Variants in CD300LG observed in about 807,000 individuals in gnomAD.
The protein encoded by CD300LG is CMRF35-like molecule 9.
CD300LG carries 29 observed loss-of-function variants against 31.5 expected under a neutral mutation model. That is an observed-to-expected ratio of 0.92 (90% CI 0.68 to 1.25). CD300LG has a LOEUF of 1.25. Among genes scored for constraint, CD300LG ranks in the 50% most tolerant of loss-of-function variants. The pLI is 0.00. For synonymous variants in CD300LG, 175 were observed against 177.2 expected (o/e 0.99, Z 0.10); for missense variants, 396 against 417.6 (o/e 0.95, Z 0.45).
chr17:43,851,601 T>C (rs1427947102), intron 2 of CD300LG, among the ~76,000 whole-genome samples: 2 of 149,962 alleles, frequency 1.3e-5, no homozygotes, highest in African/African-American at 4.9e-5. Context: ...GTTGGTTGCA[T>C]CAGGCTTCTG....
At chr17:43,854,773 AC>A (rs1354256680) in intron 4 of CD300LG, among the ~76,000 whole-genome samples, 2 of 152,010 alleles carry the variant, frequency 1.3e-5, no homozygotes, top group African/African-American at 4.8e-5. Flanking sequence ...AAATTGATCC[AC>A]TCCTACCTAG....
rs1214979748 is a variant in CD300LG at position 43,863,259 on chromosome 17, G to T, written c.*1348G>T. ...GTCTTGAACTCCTGACCTCAAATGA[G>T]CCTCCTGCTTCAGTCTCCCAAATTG... On this transcript the variant is annotated 3_prime_UTR_variant, in exon 7 of 7. Coordinates refer to ENST00000317310, the MANE Select transcript of CD300LG (RefSeq NM_145273.4). 1 of 152,058 alleles carries T rather than the reference G, an allele frequency of 6.6e-6. No individual in the cohort carries two copies. The allele number at this position is 152,058 out of a possible 1,614,324, so 9.4% of individuals were successfully genotyped here. A position where few individuals can be genotyped will look rare whatever the true frequency, so the allele number is the denominator to read the frequency against.
chr17:43,853,001 C>G lies in CD300LG; in HGVS notation c.469C>G (p.Pro157Ala). The part of the protein sequence containing the change: ...QPKAKAQQTQ[P>A]PGLTSPGLYP... ...CAAGGCAAAAGCTCAGCAAACCCAG[C>G]CCCCAGGATTGAGTGAGTGAATGGC... Residue 157 changes from proline (P) to alanine (A), a missense_variant, in exon 3 of 7, where the codon CCC becomes GCC. Physicochemically the swap from Pro to Ala is conservative, Grantham distance 27 (BLOSUM62 -1). Transcript: ENST00000317310. 1 of 1,610,546 alleles carries G rather than the reference C, an allele frequency of 6.2e-7. No individual in the cohort carries two copies.
intron 5 of CD300LG, among the ~76,000 whole-genome samples, chr17:43,856,275 C>A (rs1182289066): frequency 2.0e-5 from 3 of 152,192 alleles, no homozygotes; most frequent in Non-Finnish European, 4.4e-5. Flanking sequence ...CATTTCAGTG[C>A]CTGATGGCCA....
At position 43,849,904 on chromosome 17, in the gene CD300LG, A is replaced by G. The variant is rs182953064; in HGVS notation, c.379+1011A>G. On this transcript the variant is annotated intron_variant, in intron 2 of 6. Coordinates refer to ENST00000317310, the MANE Select transcript of CD300LG (RefSeq NM_145273.4). The stretch of plus-strand genomic sequence containing the variant: ...GAGGAAATAAAGTTAAACTTGCCAA[A>G]TAGCAGCAGCATCGAACCACATTGA... 5.9e-5 allele frequency: 9 copies of G among 152,290 alleles called. 1 individual carries two copies. Among genetic ancestry groups the G allele is most frequent in the Admixed American group, 5.9e-4 (9 of 15,302 alleles). The allele number at this position is 152,290 out of a possible 1,614,324, so 9.4% of individuals were successfully genotyped here.
chr17:43,853,975 C>A lies in CD300LG; in HGVS notation c.650C>A (p.Pro217His), dbSNP rs781576192. 2 of 1,614,200 alleles carry A rather than the reference C, an allele frequency of 1.2e-6. No individual in the cohort carries two copies. Among genetic ancestry groups the A allele is most frequent in the South Asian group, 2.2e-5 (2 of 91,078 alleles). The change falls in exon 4 of 7, where the codon CCC becomes CAC. Residue 217 changes from proline (P) to histidine (H), a missense_variant. By Grantham distance (77) the Pro-to-His change is moderately conservative. Transcript: ENST00000317310. ...CCTCCTGCAGGGAGCTCCCGCCCCC[C>A]CATGCAGCTGGACTCCACCTCAGCA... ...TSPPAGSSRP[P>H]MQLDSTSAED...
chr17:43,862,993 G>A lies in CD300LG; in HGVS notation c.*1082G>A, dbSNP rs1301993619. The A allele has an allele frequency of 2.0e-5, 3 of 151,304 alleles. No individual in the cohort carries two copies. The highest frequency in any genetic ancestry group is 4.4e-5 in the Non-Finnish European group (3 of 67,936). 9.4% of individuals were successfully genotyped at this position (151,304 alleles called of 1,614,324 possible). On this transcript the variant is annotated 3_prime_UTR_variant, in exon 7 of 7. Coordinates refer to ENST00000317310, the MANE Select transcript of CD300LG (RefSeq NM_145273.4). ...CCCTGGAGAAGGGGTCGGGGGTGGG[G>A]GTAAAGTAGCACAACTACTATTTTT...
At chr17:43,858,283 A>G in intron 6 of CD300LG, 1 of 1,026,946 alleles carries the variant, frequency 9.7e-7, no homozygotes, top group Non-Finnish European at 1.2e-6. Flanking sequence ...GGGAAAAGTC[A>G]TGGAGACACA....
chr17:43,857,752 G>A (rs1312501410), intron 6 of CD300LG: 1 of 1,534,636 alleles, frequency 6.5e-7, no homozygotes, highest in Non-Finnish European at 8.7e-7. Context: ...ACAGAGAACA[G>A]GACCCAGATT....
rs2046487829 is a variant in CD300LG, at chr17:43,855,339, AG to A, written c.832+22del. The A allele has an allele frequency of 5.4e-6, 8 of 1,476,776 alleles. No homozygotes were observed. The East Asian group carries it at 2.0e-4, about 36-fold the overall frequency. 91.5% of individuals were successfully genotyped at this position (1,476,776 alleles called of 1,614,324 possible). On this transcript the variant is annotated intron_variant, in intron 5 of 6. Coordinates refer to ENST00000317310, the MANE Select transcript of CD300LG (RefSeq NM_145273.4). Reference sequence around the variant, plus strand: ...AGGAAGGTGAGCAAAGGTGGGCGGCAGGAAGGCGGGAGGCTCACTGGGCCAG... The same window carrying A: ...AGGAAGGTGAGCAAAGGTGGGCGGCAGAAGGCGGGAGGCTCACTGGGCCAG...
chr17:43,858,306 C>T (rs1027210411), intron 6 of CD300LG: 5 of 1,003,556 alleles, frequency 5.0e-6, no homozygotes, highest in East Asian at 1.0e-4. Context: ...GATGGATGGA[C>T]GGTGGGTGCC....
At chr17:43,856,541 G>C (rs1454960500) in intron 5 of CD300LG, among the ~76,000 whole-genome samples, 4 of 152,238 alleles carry the variant, frequency 2.6e-5, no homozygotes, top group African/African-American at 9.6e-5. Context: ...ACCCATGGAG[G>C]CGGCCACAGG....
At chr17:43,859,312 C>T (rs2046606043) in intron 6 of CD300LG, among the ~76,000 whole-genome samples, 1 of 152,212 alleles carries the variant, frequency 6.6e-6, no homozygotes, top group Admixed American at 6.5e-5. Flanking sequence ...AGACTTCCCT[C>T]TTTCTTTATT....
At chr17:43,850,605 G>A (rs545182828) in intron 2 of CD300LG, among the ~76,000 whole-genome samples, 21 of 151,942 alleles carry the variant, frequency 1.4e-4, no homozygotes, top group Non-Finnish European at 3.1e-4. Flanking sequence ...AGAGTAGCTG[G>A]GACCACAGGC....
chr17:43,857,999 G>T, intron 6 of CD300LG: 1 of 1,478,446 alleles, frequency 6.8e-7, no homozygotes. Flanking sequence ...AACGGAGGGG[G>T]CTGCAGCATC....
Position 43,861,961 on chromosome 17 carries a change from G to A in CD300LG, c.*50G>A. On this transcript the variant is annotated 3_prime_UTR_variant, in exon 7 of 7. Coordinates refer to ENST00000317310, the MANE Select transcript of CD300LG (RefSeq NM_145273.4). ...CAGCAGTGAAGCAGTATGGCTGGCTGGATCAGCACCGATTCCCGAAAGCTT... is the reference window on the plus strand; with the variant it reads ...CAGCAGTGAAGCAGTATGGCTGGCTAGATCAGCACCGATTCCCGAAAGCTT... 1 of 1,344,906 alleles carries A rather than the reference G, an allele frequency of 7.4e-7. No individual in the cohort carries two copies. The highest frequency in any genetic ancestry group is 1.0e-6 in the Non-Finnish European group (1 of 982,460). The allele number at this position is 1,344,906 out of a possible 1,614,324, so 83.3% of individuals were successfully genotyped here. A position where few individuals can be genotyped will look rare whatever the true frequency, so the allele number is the denominator to read the frequency against.
chr17:43,857,385 G>C (rs141288889), intron 6 of CD300LG: 13 of 1,533,754 alleles, frequency 8.5e-6, no homozygotes, highest in African/African-American at 1.4e-5. Flanking sequence ...CTGATTTCCC[G>C]CCAGGTGCCA....
rs912972026 is a variant in CD300LG at position 43,863,038 on chromosome 17, T to A, written c.*1127T>A. 2.0e-5 allele frequency: 3 copies of A among 152,238 alleles called. No individual in the cohort carries two copies. Among genetic ancestry groups the A allele is most frequent in the African/African-American group, 7.2e-5 (3 of 41,456 alleles). 9.4% of individuals were successfully genotyped at this position (152,238 alleles called of 1,614,324 possible). A position where few individuals can be genotyped will look rare whatever the true frequency, so the allele number is the denominator to read the frequency against. On this transcript the variant is annotated 3_prime_UTR_variant, in exon 7 of 7. Coordinates refer to ENST00000317310, the MANE Select transcript of CD300LG (RefSeq NM_145273.4). ...ATTTTTTTTCTTTTTCCATTATTAT[T>A]GTTTTTTAAGACAGAATCTCGTGCT...
At chr17:43,857,234 G>A in intron 6 of CD300LG, 78 bp downstream of exon 6, 2 of 1,556,712 alleles carry the variant, frequency 1.3e-6, no homozygotes, top group Admixed American at 3.4e-5. Flanking sequence ...CTTTGCCTCT[G>A]TGACTTCCTA....
Sources: allele counts gnomAD v4.1 joint callset (sites outside exome capture counted in the v4.1 genomes callset), GRCh38; gene constraint gnomAD v4.1.1; transcripts MANE v1.5; gene names NCBI Gene and HGNC (gene_info 2026-07-23, HGNC 2026-07-21).